NINJ2: variants seen among roughly 807,000 people sequenced by gnomAD.
NINJ2 encodes ninjurin-2.
A neutral mutation model predicts 11.7 loss-of-function variants in NINJ2; 12 were observed. The observed-to-expected ratio is 1.02, with a 90% CI of 0.66 to 1.66. The LOEUF (loss-of-function observed/expected upper bound fraction) is 1.66, where lower values mean the gene tolerates loss of function less well. NINJ2 is among the 40% of genes most tolerant of loss of function. NINJ2 has a pLI of 0.00. For synonymous variants in NINJ2, 93 were observed against 76.8 expected (o/e 1.21, Z -1.10); for missense variants, 187 against 181.8 (o/e 1.03, Z -0.16).
intron 1 of NINJ2, among the ~76,000 whole-genome samples, chr12:601,383 A>G (rs896837380): frequency 6.6e-6 from 1 of 150,496 alleles, no homozygotes; most frequent in Admixed American, 6.6e-5. Context: ...CGTCTCTACT[A>G]AAAATACAAA....
At chr12:598,544 G>A (rs943249558) in intron 1 of NINJ2, among the ~76,000 whole-genome samples, 1 of 151,738 alleles carries the variant, frequency 6.6e-6, no homozygotes, top group South Asian at 2.1e-4. Context: ...TGAGGAGAAA[G>A]GGGGGGAGAC....
chr12:614,527 T>C lies in NINJ2; in HGVS notation c.34-48349A>G, dbSNP rs1422039818. ...AGCAGATGGCACTCTTCCCTCACAG[T>C]CCTGCCGGGCCTGGCTCCCTCCCTC... On this transcript the variant is annotated intron_variant, in intron 1 of 3. Coordinates refer to ENST00000305108, the MANE Select transcript of NINJ2 (RefSeq NM_016533.6). The surrounding 1 kb of genome is among the most constrained non-coding windows in gnomAD (Gnocchi z 5.1). Among the ~76,000 whole-genome samples, 1 of 152,178 alleles carries C rather than the reference T, an allele frequency of 6.6e-6. No homozygotes were observed. The highest frequency in any genetic ancestry group is 2.4e-5 in the African/African-American group (1 of 41,440).
chr12:584,676 G>T (rs1338846299), intron 1 of NINJ2, among the ~76,000 whole-genome samples: 3 of 151,878 alleles, frequency 2.0e-5, no homozygotes, highest in Admixed American at 6.6e-5. Flanking sequence ...TGTGGTGGCG[G>T]GTGCCTGTAA....
intron 1 of NINJ2, among the ~76,000 whole-genome samples, chr12:649,077 GTC>G (rs371930047): frequency 1.5e-4 from 23 of 148,628 alleles, no homozygotes; most frequent in African/African-American, 5.7e-4. Flanking sequence ...TCGAGACGGA[GTC>G]TCTGTCGCCC....
chr12:653,444 C>T (rs549028397), intron 1 of NINJ2, among the ~76,000 whole-genome samples: 8 of 151,500 alleles, frequency 5.3e-5, no homozygotes, highest in South Asian at 2.1e-4. Flanking sequence ...CATATATGTG[C>T]GTAAAATGAA....
intron 1 of NINJ2, among the ~76,000 whole-genome samples, chr12:629,040 G>T (rs1326974949): frequency 6.6e-6 from 1 of 152,166 alleles, no homozygotes. Flanking sequence ...TTTGCCTATA[G>T]AGTAGCCATT....
At chr12:611,033 G>A (rs1948021674) in intron 1 of NINJ2, among the ~76,000 whole-genome samples, 1 of 152,020 alleles carries the variant, frequency 6.6e-6, no homozygotes, top group Non-Finnish European at 1.5e-5. Context: ...CGGCACCTAG[G>A]CTGGACATCT....
chr12:662,331 G>A (rs1450408869), intron 1 of NINJ2, among the ~76,000 whole-genome samples: 1 of 152,142 alleles, frequency 6.6e-6, no homozygotes, highest in East Asian at 1.9e-4. Flanking sequence ...GTTCCCTGGT[G>A]GTGTCTCAAG....
At chr12:622,028 T>C (rs1423810122) in intron 1 of NINJ2, among the ~76,000 whole-genome samples, 1 of 142,878 alleles carries the variant, frequency 7.0e-6, no homozygotes, top group South Asian at 2.2e-4. Flanking sequence ...GAGGCTGAGG[T>C]AGAGAACTGC....
chr12:625,912 G>C (rs1017521293), intron 1 of NINJ2, among the ~76,000 whole-genome samples: 2 of 152,122 alleles, frequency 1.3e-5, no homozygotes, highest in African/African-American at 2.4e-5. Flanking sequence ...CTCCTTTATG[G>C]GTAGGAAGCC....
Position 628,995 on chromosome 12 carries a change from C to T in NINJ2, c.33+34333G>A, listed in dbSNP as rs1948239188. On this transcript the variant is annotated intron_variant, in intron 1 of 3. Coordinates refer to ENST00000305108, the MANE Select transcript of NINJ2 (RefSeq NM_016533.6). This position sits in a 1 kb window ranked among gnomAD's most constrained non-coding sequence, Gnocchi z 4.4. ...GTTTAGCATATGATCAAGAAATAAC[C>T]ATAAAAATAGCCAACCAGCAGCCCT... Among the ~76,000 whole-genome samples the T allele has an allele frequency of 6.6e-6, 1 of 152,144 alleles. No homozygotes were observed.
chr12:648,274 C>T (rs1037482403), intron 1 of NINJ2, among the ~76,000 whole-genome samples: 1 of 152,172 alleles, frequency 6.6e-6, no homozygotes, highest in Non-Finnish European at 1.5e-5. Flanking sequence ...GACAGGGTTT[C>T]ACCATGTTGG....
chr12:573,468 A>G lies in NINJ2; in HGVS notation c.34-7290T>C, dbSNP rs76736613. On this transcript the variant is annotated intron_variant, in intron 1 of 3. Coordinates refer to ENST00000305108, the MANE Select transcript of NINJ2 (RefSeq NM_016533.6). ...CCGCATGCCTATTGCCATCCCAGCTATTTAGGAGGCTGAGACAGGAGAATT... is the reference window on the plus strand; with the variant it reads ...CCGCATGCCTATTGCCATCCCAGCTGTTTAGGAGGCTGAGACAGGAGAATT... 6.6e-4 allele frequency among the ~76,000 whole-genome samples: 101 copies of G among 152,184 alleles called. 1 individual carries two copies. The East Asian group carries it at 0.015, about 23-fold the overall frequency.
At chr12:573,836 T>A (rs1947413111) in intron 1 of NINJ2, among the ~76,000 whole-genome samples, 1 of 152,038 alleles carries the variant, frequency 6.6e-6, no homozygotes, top group Admixed American at 6.6e-5. Context: ...AAGGCTTGGG[T>A]TCAAACTGGT....
At chr12:658,031 C>G (rs917598984) in intron 1 of NINJ2, among the ~76,000 whole-genome samples, 3 of 118,188 alleles carry the variant, frequency 2.5e-5, no homozygotes, top group African/African-American at 6.4e-5. Flanking sequence ...CAGAGTCTCA[C>G]TCTGTCACTC....
chr12:590,038 G>A (rs1947697811), intron 1 of NINJ2, among the ~76,000 whole-genome samples: 1 of 152,324 alleles, frequency 6.6e-6, no homozygotes, highest in African/African-American at 2.4e-5. Context: ...TGTCCTGAGG[G>A]CAGCAGGGAG....
chr12:654,994 G>A (rs1346947356), intron 1 of NINJ2, among the ~76,000 whole-genome samples: 1 of 151,478 alleles, frequency 6.6e-6, no homozygotes, highest in African/African-American at 2.4e-5. Flanking sequence ...CATATTAATA[G>A]ATGTAGAAAA....
chr12:589,868 TC>T (rs1254190210), intron 1 of NINJ2, among the ~76,000 whole-genome samples: 1 of 152,044 alleles, frequency 6.6e-6, no homozygotes, highest in East Asian at 1.9e-4. Flanking sequence ...GACTCAGTTT[TC>T]CTCCGTGGGG....
chr12:602,205 C>T (rs1229122807), intron 1 of NINJ2, among the ~76,000 whole-genome samples: 1 of 152,206 alleles, frequency 6.6e-6, no homozygotes, highest in African/African-American at 2.4e-5. Flanking sequence ...GTGTACGGTT[C>T]AGTGGCTTTT....
Sources: gnomAD v4.1 joint callset for allele counts (sites outside exome capture counted in the v4.1 genomes callset) on GRCh38, gnomAD v4.1.1 for gene constraint, Gnocchi (gnomAD v3.1) non-coding constraint, MANE v1.5 for transcripts, NCBI Gene and HGNC (gene_info 2026-07-23, HGNC 2026-07-21) for gene names.